NFKB1: variants seen among roughly 807,000 people sequenced by gnomAD.
NFKB1 encodes the protein nuclear factor NF-kappa-B p105 subunit.
A neutral mutation model predicts 105.1 loss-of-function variants in NFKB1; 9 were observed. That is an observed-to-expected ratio of 0.09 (90% CI 0.05 to 0.15). The LOEUF is 0.15. Ranked by LOEUF, NFKB1 falls within the 10% of genes least tolerant of loss-of-function variation. The pLI is 1.00. For missense variants in NFKB1, 830 were observed against 1,203.7 expected, an observed-to-expected ratio of 0.69 and a Z score of 4.59; for synonymous variants, 440 against 442.2, an observed-to-expected ratio of 1.00 and a Z score of 0.06.
At position 102,611,652 on chromosome 4, in the gene NFKB1, C is replaced by T. The variant is rs894622085; in HGVS notation, c.2353-392C>T. Among the ~76,000 whole-genome samples the T allele has an allele frequency of 2.6e-5, 4 of 152,190 alleles. No homozygotes were observed. The South Asian group carries it at 6.2e-4, about 24-fold the overall frequency. On this transcript the variant is annotated intron_variant, in intron 20 of 23. Coordinates refer to ENST00000226574, the MANE Select transcript of NFKB1 (RefSeq NM_003998.4). ...TACAATTCATTCTCATAAGCTTGTT[C>T]CTATGGAAGAAGGGAGACAGCTTCA...
intron 3 of NFKB1, among the ~76,000 whole-genome samples, chr4:102,532,637 T>A (rs183773110): frequency 2.0e-5 from 3 of 151,780 alleles, no homozygotes; most frequent in Admixed American, 6.6e-5. Flanking sequence ...CAAAAAAAAA[T>A]AAAAAAAATT....
In NFKB1 at chr4:102,616,688, C is replaced by A; in HGVS notation, c.*94C>A. ...AAGCTGAAGTGCATCCAAAGGTGCTCAGAGAGCCGGCCCGCCTGAATCATT... is the reference window on the plus strand; with the variant it reads ...AAGCTGAAGTGCATCCAAAGGTGCTAAGAGAGCCGGCCCGCCTGAATCATT... On this transcript the variant is annotated 3_prime_UTR_variant, in exon 24 of 24. Coordinates refer to ENST00000226574, the MANE Select transcript of NFKB1 (RefSeq NM_003998.4). 7.5e-7 allele frequency: 1 copy of A among 1,325,632 alleles called. No individual in the cohort carries two copies. Among genetic ancestry groups the A allele is most frequent in the Non-Finnish European group, 1.0e-6 (1 of 966,490 alleles). The allele number at this position is 1,325,632 out of a possible 1,614,324, so 82.1% of individuals were successfully genotyped here. A position where few individuals can be genotyped will look rare whatever the true frequency, so the allele number is the denominator to read the frequency against.
rs547189742 is a variant in NFKB1, at chr4:102,602,321, G to C, written c.1752+1312G>C. ...CGAGGCAGGCGGATCATGAGATCAG[G>C]AGATCGAGATCATCCTGGCTAACAT... On this transcript the variant is annotated intron_variant, in intron 16 of 23. Coordinates refer to ENST00000226574, the MANE Select transcript of NFKB1 (RefSeq NM_003998.4). Among the ~76,000 whole-genome samples the C allele has an allele frequency of 4.0e-5, 6 of 151,416 alleles. No homozygotes were observed. The South Asian group carries it at 8.4e-4, about 21-fold the overall frequency.
chr4:102,543,634 G>A (rs978071105), intron 5 of NFKB1, among the ~76,000 whole-genome samples: 3 of 147,782 alleles, frequency 2.0e-5, no homozygotes, highest in Non-Finnish European at 3.0e-5. Flanking sequence ...TCCACTCTTC[G>A]TGCCTTTCCT....
At chr4:102,568,097 A>G (rs1396940064) in intron 6 of NFKB1, among the ~76,000 whole-genome samples, 1 of 152,192 alleles carries the variant, frequency 6.6e-6, no homozygotes, top group Non-Finnish European at 1.5e-5. Flanking sequence ...GTTTAAATCA[A>G]CTATAATTAA....
At chr4:102,589,998 C>T (rs1290535013) in intron 11 of NFKB1, among the ~76,000 whole-genome samples, 1 of 152,114 alleles carries the variant, frequency 6.6e-6, no homozygotes, top group Admixed American at 6.5e-5. Flanking sequence ...GAAAAGCAAT[C>T]AGAAGTCTCA....
chr4:102,521,493 A>G (rs1039543432), intron 1 of NFKB1, among the ~76,000 whole-genome samples: 1 of 152,190 alleles, frequency 6.6e-6, no homozygotes, highest in Admixed American at 6.5e-5. Context: ...TACTCTCTGG[A>G]TGGCACCTAA....
Position 102,612,471 on chromosome 4 carries a change from G to C in NFKB1, c.2457G>C (p.Gln819His). 6.2e-7 allele frequency: 1 copy of C among 1,613,700 alleles called. No individual in the cohort carries two copies. The highest frequency in any genetic ancestry group is 1.3e-5 in the African/African-American group (1 of 75,032). ...MKQLAEDVKLQLYKLLEIPDP... is the reference protein window; with the variant it reads ...MKQLAEDVKLHLYKLLEIPDP... The stretch of plus-strand genomic sequence containing the variant: ...AGCTGGCTGAAGATGTGAAGCTGCA[G>C]CTGTATAAGTTACTAGAAATTCCTG... The change falls in exon 22 of 24, where the codon CAG becomes CAC. Residue 819 changes from glutamine (Q) to histidine (H), a missense_variant. By Grantham distance (24) the Gln-to-His change is conservative. Transcript: ENST00000226574.
At chr4:102,513,940 G>A (rs1056653330) in intron 1 of NFKB1, among the ~76,000 whole-genome samples, 1 of 151,972 alleles carries the variant, frequency 6.6e-6, no homozygotes, top group Admixed American at 6.6e-5. Context: ...TTGGGAGTCC[G>A]AGGCAGGCAA....
At chr4:102,506,797 C>A (rs894153276) in intron 1 of NFKB1, among the ~76,000 whole-genome samples, 6 of 151,976 alleles carry the variant, frequency 3.9e-5, no homozygotes, top group Non-Finnish European at 8.8e-5. Context: ...CCACTTAGTT[C>A]TGGTTCTGAC....
chr4:102,528,738 G>C (rs1376699121), intron 2 of NFKB1, among the ~76,000 whole-genome samples: 1 of 152,112 alleles, frequency 6.6e-6, no homozygotes, highest in Non-Finnish European at 1.5e-5. Flanking sequence ...AATGTTTTTT[G>C]ATAAGTAATG....
At chr4:102,504,566 ATCTACATTTGTG>A (rs1739305883) in intron 1 of NFKB1, among the ~76,000 whole-genome samples, 1 of 152,214 alleles carries the variant, frequency 6.6e-6, no homozygotes, top group Non-Finnish European at 1.5e-5. Flanking sequence ...CTGCTCCTAC[ATCTACATTTGTG>A]TCTAATCAGC....
chr4:102,599,404 C>T (rs1329321049), intron 15 of NFKB1, among the ~76,000 whole-genome samples: 1 of 152,166 alleles, frequency 6.6e-6, no homozygotes, highest in African/African-American at 2.4e-5. Flanking sequence ...GTACGATATA[C>T]TTGCTATTGC....
intron 16 of NFKB1, among the ~76,000 whole-genome samples, chr4:102,604,884 G>T (rs145703896): frequency 6.6e-6 from 1 of 150,578 alleles, no homozygotes; most frequent in East Asian, 2.0e-4. Flanking sequence ...TAGCATGAAG[G>T]TATAATTGTT....
At chr4:102,608,737 T>C (rs1472601649) in intron 19 of NFKB1, among the ~76,000 whole-genome samples, 2 of 152,166 alleles carry the variant, frequency 1.3e-5, no homozygotes, top group Non-Finnish European at 2.9e-5. Context: ...ACTTTTTCTT[T>C]GGGACACCAT....
Position 102,504,013 on chromosome 4 carries a change from T to G in NFKB1, c.-8+2225T>G, listed in dbSNP as rs532569653. Among the ~76,000 whole-genome samples the G allele has an allele frequency of 2.0e-5, 3 of 152,304 alleles. No individual in the cohort carries two copies. The South Asian group carries it at 6.2e-4, about 32-fold the overall frequency. ...CTATCATTCCATCAGCAAGACCTTA[T>G]TTTTACCTAATTTATGAGAGGTATT... is the stretch of plus-strand genomic sequence containing the variant. On this transcript the variant is annotated intron_variant, in intron 1 of 23. Transcript: ENST00000226574.
intron 5 of NFKB1, among the ~76,000 whole-genome samples, chr4:102,552,995 C>A (rs1163749659): frequency 2.6e-5 from 4 of 152,118 alleles, no homozygotes; most frequent in African/African-American, 9.7e-5. Flanking sequence ...ACCAAGAAAT[C>A]AAAGAAAATT....
intron 16 of NFKB1, among the ~76,000 whole-genome samples, chr4:102,604,146 C>G (rs1034021689): frequency 2.0e-5 from 3 of 152,152 alleles, no homozygotes; most frequent in African/African-American, 7.2e-5. Context: ...GCACAAATGT[C>G]ACTATTGTGT....
chr4:102,508,315 T>C (rs1245298504), intron 1 of NFKB1, among the ~76,000 whole-genome samples: 1 of 152,160 alleles, frequency 6.6e-6, no homozygotes. Flanking sequence ...ATTTATAAAA[T>C]TAAAATGATG....
Sources: allele counts gnomAD v4.1 joint callset (sites outside exome capture counted in the v4.1 genomes callset), GRCh38; gene constraint gnomAD v4.1.1; transcripts MANE v1.5; gene names NCBI Gene and HGNC (gene_info 2026-07-23, HGNC 2026-07-21).